SEMA3C: variants seen among roughly 807,000 people sequenced by gnomAD.
SEMA3C encodes the protein semaphorin 3C.
Under a neutral mutation model 89.4 loss-of-function variants are expected in SEMA3C, and 47 were observed. That is an observed-to-expected ratio of 0.53 (90% CI 0.42 to 0.67). The LOEUF is 0.67. Among genes scored for constraint, SEMA3C ranks in the 30% least tolerant of loss-of-function variants. SEMA3C has a pLI of 0.00. For synonymous variants in SEMA3C, 310 were observed against 320.2 expected (o/e 0.97, Z 0.34); for missense variants, 839 against 929.1 (o/e 0.90, Z 1.26).
At chr7:80,895,108 G>C (rs1044246309) in intron 2 of SEMA3C, among the ~76,000 whole-genome samples, 2 of 152,118 alleles carry the variant, frequency 1.3e-5, no homozygotes, top group Middle Eastern at 3.2e-3. Flanking sequence ...GCATGCACGC[G>C]CATGTACACA....
At chr7:80,861,204 G>A (rs192672351) in intron 2 of SEMA3C, among the ~76,000 whole-genome samples, 7 of 152,100 alleles carry the variant, frequency 4.6e-5, no homozygotes, top group African/African-American at 1.7e-4. Context: ...TATTCCTAAA[G>A]CATCAGTTTA....
chr7:80,805,330 G>A (rs1306883274), intron 7 of SEMA3C, among the ~76,000 whole-genome samples: 3 of 152,000 alleles, frequency 2.0e-5, no homozygotes, highest in Non-Finnish European at 2.9e-5. Context: ...ATTGCAATAT[G>A]TTACAATTAA....
chr7:80,843,035 G>C (rs1379205526), intron 2 of SEMA3C, among the ~76,000 whole-genome samples: 2 of 152,254 alleles, frequency 1.3e-5, no homozygotes, highest in East Asian at 3.9e-4. Flanking sequence ...CATGAAATTA[G>C]AGGTTAGGAG....
chr7:80,744,692 C>T lies in SEMA3C; in HGVS notation c.*202G>A, dbSNP rs1226577111. On this transcript the variant is annotated 3_prime_UTR_variant, in exon 18 of 18. Transcript: ENST00000265361. ...TTAAGTTAAATATATTTATATGCAC[C>T]ATGAGGACCATGACATGTCTAGTGC... 5.0e-6 allele frequency: 3 copies of T among 601,652 alleles called. No homozygotes were observed. The highest frequency in any genetic ancestry group is 6.1e-5 in the Admixed American group (2 of 32,874). 37.3% of individuals were successfully genotyped at this position (601,652 alleles called of 1,614,324 possible). A position where few individuals can be genotyped will look rare whatever the true frequency, so the allele number is the denominator to read the frequency against.
At chr7:80,831,788 A>G (rs897941253) in intron 2 of SEMA3C, among the ~76,000 whole-genome samples, 2 of 152,198 alleles carry the variant, frequency 1.3e-5, no homozygotes, top group African/African-American at 4.8e-5. Flanking sequence ...GAATGATTTT[A>G]TGTAGGTTTT....
intron 12 of SEMA3C, among the ~76,000 whole-genome samples, chr7:80,782,466 C>G (rs1409791013): frequency 6.6e-6 from 1 of 151,852 alleles, no homozygotes; most frequent in South Asian, 2.1e-4. Flanking sequence ...ACATTTAATT[C>G]ATAGTAAAAT....
At chr7:80,860,484 G>A (rs985862710) in intron 2 of SEMA3C, among the ~76,000 whole-genome samples, 3 of 152,174 alleles carry the variant, frequency 2.0e-5, no homozygotes, top group Non-Finnish European at 4.4e-5. Context: ...CAGCGGCAAT[G>A]TGGTAGAGAA....
At chr7:80,866,847 A>G (rs1790937857) in intron 2 of SEMA3C, among the ~76,000 whole-genome samples, 2 of 152,228 alleles carry the variant, frequency 1.3e-5, no homozygotes, top group African/African-American at 4.8e-5. Flanking sequence ...TAAGCTTCCC[A>G]TAAAAGGTAA....
chr7:80,872,242 C>A (rs1380438580), intron 2 of SEMA3C, among the ~76,000 whole-genome samples: 1 of 152,086 alleles, frequency 6.6e-6, no homozygotes, highest in Non-Finnish European at 1.5e-5. Context: ...CCTCCGCCTC[C>A]CAGGTTCAAG....
chr7:80,891,182 T>C (rs1025901224), intron 2 of SEMA3C, among the ~76,000 whole-genome samples: 2 of 152,168 alleles, frequency 1.3e-5, no homozygotes, highest in Non-Finnish European at 2.9e-5. Flanking sequence ...CAGCATTTTG[T>C]GATATTTGGT....
At position 80,874,488 on chromosome 7, in the gene SEMA3C, C is replaced by T. The variant is rs557739255; in HGVS notation, c.103+42191G>A. Among the ~76,000 whole-genome samples, 22 of 64,286 alleles carry T rather than the reference C, an allele frequency of 3.4e-4. 1 individual carries two copies. The East Asian group carries it at 0.01, about 30-fold the overall frequency. The allele number at this position is 64,286 out of a possible 152,430, so 42.2% of individuals were successfully genotyped here. The stretch of plus-strand genomic sequence containing the variant: ...TTTATTTATTTATTTATTTATGAGA[C>T]GGAGTTTCACTCTTGTTGCCCAGGC... On this transcript the variant is annotated intron_variant, in intron 2 of 17. Coordinates refer to ENST00000265361, the MANE Select transcript of SEMA3C (RefSeq NM_006379.5).
chr7:80,845,766 T>G (rs905396020), intron 2 of SEMA3C, among the ~76,000 whole-genome samples: 7 of 152,116 alleles, frequency 4.6e-5, no homozygotes, highest in African/African-American at 1.7e-4. Context: ...CTAGGGGCAG[T>G]CTGTGTGCTG....
chr7:80,813,694 A>G (rs143822602), intron 5 of SEMA3C, among the ~76,000 whole-genome samples: 2 of 152,082 alleles, frequency 1.3e-5, no homozygotes, highest in Non-Finnish European at 2.9e-5. Flanking sequence ...TGTTTCTTTG[A>G]TACATACTTT....
chr7:80,859,938 G>A (rs1267800467), intron 2 of SEMA3C, among the ~76,000 whole-genome samples: 6 of 151,748 alleles, frequency 4.0e-5, no homozygotes, highest in South Asian at 2.1e-4. Flanking sequence ...TAAAATAATC[G>A]GGTTTCAAAA....
intron 2 of SEMA3C, among the ~76,000 whole-genome samples, chr7:80,838,039 G>T (rs1320491549): frequency 6.6e-6 from 1 of 151,850 alleles, no homozygotes; most frequent in African/African-American, 2.4e-5. Flanking sequence ...TTTAATCATG[G>T]TGAATTAAAA....
At chr7:80,764,093 A>G (rs1038124337) in intron 13 of SEMA3C, among the ~76,000 whole-genome samples, 3 of 152,126 alleles carry the variant, frequency 2.0e-5, no homozygotes, top group African/African-American at 7.2e-5. Context: ...ACTGCACCCT[A>G]CCCACTTACG....
chr7:80,827,126 G>C (rs1306231022), intron 4 of SEMA3C, among the ~76,000 whole-genome samples: 1 of 152,084 alleles, frequency 6.6e-6, no homozygotes, highest in Non-Finnish European at 1.5e-5. Context: ...GGAGCCTGCT[G>C]AGAATTCTGC....
At chr7:80,839,485 A>G (rs17228184) in intron 2 of SEMA3C, among the ~76,000 whole-genome samples, 25,663 of 152,128 alleles carry the variant, frequency 0.17, 2,515 homozygotes, top group Middle Eastern at 0.22. Flanking sequence ...CTCAGGGTAA[A>G]TAAGTGTACC....
intron 12 of SEMA3C, among the ~76,000 whole-genome samples, chr7:80,777,890 G>A (rs1158562697): frequency 6.6e-6 from 1 of 152,214 alleles, no homozygotes; most frequent in Non-Finnish European, 1.5e-5. Flanking sequence ...TTTAATTGAA[G>A]CATACCAAAA....
Sources: gnomAD v4.1 joint callset for allele counts (sites outside exome capture counted in the v4.1 genomes callset) on GRCh38, gnomAD v4.1.1 for gene constraint, MANE v1.5 for transcripts, NCBI Gene and HGNC (gene_info 2026-07-23, HGNC 2026-07-21) for gene names.